Variants in CYTH3 observed in about 807,000 individuals in gnomAD.
CYTH3 encodes the protein cytohesin 3.
A neutral mutation model predicts 55.1 loss-of-function variants in CYTH3; 23 were observed. The ratio of observed to expected loss-of-function variants is 0.42; its 90% confidence interval spans 0.30 to 0.59. The LOEUF is 0.59. CYTH3 is among the 20% of genes least tolerant of loss of function. The probability of loss-of-function intolerance (pLI) is 0.20; values close to 1 mark genes in which losing one functional copy is unlikely to be tolerated. For missense variants in CYTH3, 413 were observed against 524.8 expected, an observed-to-expected ratio of 0.79 and a Z score of 2.08; for synonymous variants, 249 against 194.9, an observed-to-expected ratio of 1.28 and a Z score of -2.31.
At chr7:6,177,790 C>T in intron 5 of CYTH3, 33 bp downstream of exon 5, 1 of 1,539,824 alleles carries the variant, frequency 6.5e-7, no homozygotes, top group South Asian at 1.1e-5. Context: ...CTGAGTGGCC[C>T]CAGGTAGGGC....
intron 1 of CYTH3, among the ~76,000 whole-genome samples, chr7:6,262,864 A>G (rs1401178845): frequency 6.6e-6 from 1 of 152,114 alleles, no homozygotes; most frequent in Non-Finnish European, 1.5e-5. Flanking sequence ...GGCTGCAGTG[A>G]GCTATGATGG....
intron 1 of CYTH3, among the ~76,000 whole-genome samples, chr7:6,197,580 G>A (rs1783963582): frequency 6.6e-6 from 1 of 152,158 alleles, no homozygotes; most frequent in Non-Finnish European, 1.5e-5. Context: ...CTACCTGGGA[G>A]GGTGAAGCAG....
chr7:6,265,581 T>G (rs1409525137), intron 1 of CYTH3, among the ~76,000 whole-genome samples: 1 of 146,180 alleles, frequency 6.8e-6, no homozygotes, highest in Non-Finnish European at 1.5e-5. Context: ...ATCGCTCCAC[T>G]GCACTCCAGC....
chr7:6,193,950 A>G (rs1195626813), intron 1 of CYTH3, among the ~76,000 whole-genome samples: 1 of 152,196 alleles, frequency 6.6e-6, no homozygotes, highest in East Asian at 1.9e-4. Flanking sequence ...AGAGGCTGGG[A>G]CAAGCGTCTT....
At position 6,162,402 on chromosome 7, in the gene CYTH3, G is replaced by C. The variant is rs1343695121; in HGVS notation, c.*2542C>G. 6.6e-6 allele frequency: 1 copy of C among 152,324 alleles called. No individual in the cohort carries two copies. Among genetic ancestry groups the C allele is most frequent in the African/African-American group, 2.4e-5 (1 of 41,458 alleles). The allele number at this position is 152,324 out of a possible 1,614,324, so 9.4% of individuals were successfully genotyped here. ...GCCAGAGTTGGGACTAACAATTCAA[G>C]CCCTGCGCTCAGACGTCAGGGTGGG... On this transcript the variant is annotated 3_prime_UTR_variant, in exon 13 of 13. Coordinates refer to ENST00000350796, the MANE Select transcript of CYTH3 (RefSeq NM_004227.4).
chr7:6,235,473 A>C (rs1439437826), intron 1 of CYTH3, among the ~76,000 whole-genome samples: 1 of 86,202 alleles, frequency 1.2e-5, no homozygotes, highest in Non-Finnish European at 2.2e-5. Flanking sequence ...ACTCTATCTC[A>C]AAAAAAAAAA....
intron 1 of CYTH3, among the ~76,000 whole-genome samples, chr7:6,201,365 G>A (rs1562384472): frequency 6.6e-6 from 1 of 152,166 alleles, no homozygotes; most frequent in Non-Finnish European, 1.5e-5. Flanking sequence ...TCCGATTCTC[G>A]CCACCTCCTT....
At chr7:6,234,575 G>T (rs1357178745) in intron 1 of CYTH3, among the ~76,000 whole-genome samples, 1 of 152,214 alleles carries the variant, frequency 6.6e-6, no homozygotes, top group Non-Finnish European at 1.5e-5. Context: ...GGATGCTCAT[G>T]AAGAGGGCTG....
intron 6 of CYTH3, chr7:6,172,729 ACC>A: frequency 8.4e-7 from 1 of 1,184,868 alleles, no homozygotes; most frequent in Admixed American, 3.0e-5. Context: ...TCCCAGACTC[ACC>A]AGGCCTGCAC....
At chr7:6,236,570 T>A (rs934343599) in intron 1 of CYTH3, among the ~76,000 whole-genome samples, 2 of 151,832 alleles carry the variant, frequency 1.3e-5, no homozygotes, top group East Asian at 1.9e-4. Context: ...TTGTTGTTTT[T>A]GTTTTTTAGG....
At chr7:6,176,563 T>C (rs1185528119) in intron 5 of CYTH3, among the ~76,000 whole-genome samples, 3 of 152,148 alleles carry the variant, frequency 2.0e-5, no homozygotes, top group Non-Finnish European at 4.4e-5. Flanking sequence ...GCCTGGCCAA[T>C]TGAGTTTTGT....
At position 6,259,804 on chromosome 7, in the gene CYTH3, TATATATATAA is replaced by T. The variant is rs1780288768; in HGVS notation, c.34+12660_34+12669del. ...TATATAATATATATATATATATATA[TATATATATAA>T]TATATATATATATATATATTTTTTT... On this transcript the variant is annotated intron_variant, in intron 1 of 12. Transcript: ENST00000350796. Among the ~76,000 whole-genome samples the T allele has an allele frequency of 2.0e-4, 6 of 30,194 alleles. 1 individual carries two copies. The highest frequency in any genetic ancestry group is 1.2e-3 in the African/African-American group (4 of 3,310). The allele number at this position is 30,194 out of a possible 152,430, so 19.8% of individuals were successfully genotyped here. A position where few individuals can be genotyped will look rare whatever the true frequency, so the allele number is the denominator to read the frequency against.
chr7:6,257,766 C>T (rs1780166966), intron 1 of CYTH3, among the ~76,000 whole-genome samples: 1 of 152,184 alleles, frequency 6.6e-6, no homozygotes, highest in Non-Finnish European at 1.5e-5. Context: ...ACACCAGATG[C>T]CTTGAGCTCC....
chr7:6,270,017 A>G (rs1469892929), intron 1 of CYTH3, among the ~76,000 whole-genome samples: 3 of 152,194 alleles, frequency 2.0e-5, no homozygotes, highest in Non-Finnish European at 4.4e-5. Context: ...ATACCAAAAA[A>G]TGTTATGCTT....
chr7:6,260,546 C>T (rs560317236), intron 1 of CYTH3, among the ~76,000 whole-genome samples: 3 of 152,246 alleles, frequency 2.0e-5, no homozygotes, highest in African/African-American at 7.2e-5. Context: ...AGCTCCTTAG[C>T]CCACTCCAGT....
intron 1 of CYTH3, among the ~76,000 whole-genome samples, chr7:6,224,653 T>C (rs1330284166): frequency 2.0e-5 from 3 of 152,224 alleles, no homozygotes; most frequent in Non-Finnish European, 4.4e-5. Context: ...TGGAATACAA[T>C]TTAGTGGCTC....
At chr7:6,233,593 T>C (rs1434353548) in intron 1 of CYTH3, among the ~76,000 whole-genome samples, 2 of 150,638 alleles carry the variant, frequency 1.3e-5, no homozygotes, top group Non-Finnish European at 3.0e-5. Flanking sequence ...GAGGCAGAGG[T>C]TGCAGTGAGC....
intron 1 of CYTH3, among the ~76,000 whole-genome samples, chr7:6,212,143 A>AT (rs942403144): frequency 1.3e-4 from 20 of 151,658 alleles, no homozygotes; most frequent in African/African-American, 3.1e-4. Context: ...AATTTCAACC[A>AT]TTTTTTTTGA....
Position 6,170,464 on chromosome 7 carries a change from G to T in CYTH3, c.823+71C>A. 1 of 1,423,278 alleles carries T rather than the reference G, an allele frequency of 7.0e-7. No homozygotes were observed. The highest frequency in any genetic ancestry group is 2.3e-5 in the East Asian group (1 of 43,680). 88.2% of individuals were successfully genotyped at this position (1,423,278 alleles called of 1,614,324 possible). A position where few individuals can be genotyped will look rare whatever the true frequency, so the allele number is the denominator to read the frequency against. On this transcript the variant is annotated intron_variant, in intron 9 of 12. Transcript: ENST00000350796. The surrounding 1 kb of genome is among the most constrained non-coding windows in gnomAD (Gnocchi z 7.8). ...TGGGGGGCATTCCTACGATGAGCCT[G>T]GGAGGAACCCGAGGGGCTGCTGCCA...
Sources: allele counts gnomAD v4.1 joint callset (sites outside exome capture counted in the v4.1 genomes callset), GRCh38; gene constraint gnomAD v4.1.1; non-coding constraint Gnocchi (gnomAD v3.1); transcripts MANE v1.5; gene names NCBI Gene and HGNC (gene_info 2026-07-23, HGNC 2026-07-21).